The following NDRG4 variants were observed in gnomAD, a reference collection of about 807,000 sequenced individuals.
NDRG4 encodes the protein protein NDRG4.
A neutral mutation model predicts 55.8 loss-of-function variants in NDRG4; 38 were observed. The ratio of observed to expected loss-of-function variants is 0.68; its 90% CI spans 0.53 to 0.89. The LOEUF (loss-of-function observed/expected upper bound fraction) is 0.89, where lower values mean the gene tolerates loss of function less well. Among genes scored for constraint, NDRG4 ranks in the 40% least tolerant of loss-of-function variants. The probability of loss-of-function intolerance (pLI) is 0.00; values close to 1 mark genes in which losing one functional copy is unlikely to be tolerated. For synonymous variants in NDRG4, 190 were observed against 182.7 expected, an observed-to-expected ratio of 1.04 and a Z score of -0.32; for missense variants, 455 against 468.6, an observed-to-expected ratio of 0.97 and a Z score of 0.27.
chr16:58,471,067 G>A (rs1363484712), intron 1 of NDRG4, among the ~76,000 whole-genome samples: 1 of 151,936 alleles, frequency 6.6e-6, no homozygotes, highest in Non-Finnish European at 1.5e-5. Flanking sequence ...AAAGGCAGGG[G>A]AACAGATTCT....
Position 58,511,480 on chromosome 16 carries a change from C to T in NDRG4, c.963C>T (p.Ala321=), listed in dbSNP as rs2038798813. 6.2e-7 allele frequency: 1 copy of T among 1,612,902 alleles called. No homozygotes were observed. The highest frequency in any genetic ancestry group is 2.2e-5 in the East Asian group (1 of 44,864). Residue 321 remains alanine, a synonymous_variant, in exon 15 of 15, where the codon GCC becomes GCT. Coordinates refer to ENST00000570248, the MANE Select transcript of NDRG4 (RefSeq NM_001242835.2). The stretch of plus-strand genomic sequence containing the variant: ...CCCGCACTGCATCCCTCACCAGTGC[C>T]AGCTCGGTGGATGGCAGCCGCCCAC... ...ARSRTASLTS[A]SSVDGSRPQA... is the part of the protein sequence containing the mutation.
Position 58,504,352 on chromosome 16 carries a change from C to G in NDRG4, c.249-7C>G. 6.2e-7 allele frequency: 1 copy of G among 1,613,706 alleles called. No individual in the cohort carries two copies. On this transcript the variant is annotated splice_region_variant and splice_polypyrimidine_tract_variant and intron_variant, in intron 3 of 14. Coordinates refer to ENST00000570248, the MANE Select transcript of NDRG4 (RefSeq NM_001242835.2). ...ACCTGGGCCCTGACCTCCTGCTCTG[C>G]CTGCAGGTACCAGTTCCCCTCCATG... is the stretch of plus-strand genomic sequence containing the variant.
In NDRG4 at chr16:58,512,520, A is replaced by G. The variant is rs2038913493; in HGVS notation, c.*944A>G. 4.5e-6 allele frequency: 1 copy of G among 224,128 alleles called. No individual in the cohort carries two copies. The allele number at this position is 224,128 out of a possible 1,614,324, so 13.9% of individuals were successfully genotyped here. A position where few individuals can be genotyped will look rare whatever the true frequency, so the allele number is the denominator to read the frequency against. ...TCAGTAGCAGTGTGGTGTTTCAGGC[A>G]GAGCTCTGGCCAGGCTGTGCCAGTG... On this transcript the variant is annotated 3_prime_UTR_variant, in exon 15 of 15. Transcript: ENST00000570248.
intron 8 of NDRG4, chr16:58,507,235 C>T: frequency 1.8e-6 from 1 of 566,014 alleles, no homozygotes; most frequent in South Asian, 2.2e-5. Context: ...TTCCACTTTT[C>T]CTCCTCCCCT....
intron 1 of NDRG4, chr16:58,501,810 G>C: frequency 2.8e-6 from 1 of 356,224 alleles, no homozygotes; most frequent in Non-Finnish European, 5.7e-6. Flanking sequence ...GAAGACAGTG[G>C]GGCCTCCTCA....
chr16:58,512,011 C>T lies in NDRG4; in HGVS notation c.*435C>T. The T allele has an allele frequency of 2.2e-6, 1 of 460,208 alleles. No individual in the cohort carries two copies. The highest frequency in any genetic ancestry group is 4.4e-6 in the Non-Finnish European group (1 of 229,550). The allele number at this position is 460,208 out of a possible 1,614,324, so 28.5% of individuals were successfully genotyped here. ...GGGAGCCCTGGGAGACCCCTTCCCC[C>T]ACCCTCCACCAAGCACACCTGTTTC... On this transcript the variant is annotated 3_prime_UTR_variant, in exon 15 of 15. Coordinates refer to ENST00000570248, the MANE Select transcript of NDRG4 (RefSeq NM_001242835.2).
At chr16:58,467,707 C>T (rs1056370918) in intron 1 of NDRG4, among the ~76,000 whole-genome samples, 3 of 152,184 alleles carry the variant, frequency 2.0e-5, no homozygotes, top group Non-Finnish European at 2.9e-5. Context: ...GTCTAATAGC[C>T]GTTCCACACT....
At chr16:58,502,020 T>C (rs966075620) in intron 1 of NDRG4, 3 of 455,962 alleles carry the variant, frequency 6.6e-6, no homozygotes, top group African/African-American at 2.0e-5. Flanking sequence ...GTGAAAGGGC[T>C]GCCTGGTCAG....
At chr16:58,492,319 TCTC>T (rs1006285535) in intron 2 of NDRG4, among the ~76,000 whole-genome samples, 13 of 152,036 alleles carry the variant, frequency 8.6e-5, no homozygotes, top group Admixed American at 1.3e-4. Flanking sequence ...TGCCACCTGT[TCTC>T]CTCCTCGTGC....
chr16:58,506,431 C>G lies in NDRG4; in HGVS notation c.417C>G (p.Ile139Met), dbSNP rs114765275. ...TGGAGGGGCTGGTGCTGGTGAACATCGACCCCAATGGCAAAGGCTGGATAG... is the reference window on the plus strand; with the variant it reads ...TGGAGGGGCTGGTGCTGGTGAACATGGACCCCAATGGCAAAGGCTGGATAG... ...DLVEGLVLVN[I>M]DPNGKGWIDW... Residue 139 changes from isoleucine (I) to methionine (M), a missense_variant, in exon 6 of 15, where the codon ATC (isoleucine) becomes ATG (methionine). Coordinates refer to ENST00000570248, the MANE Select transcript of NDRG4 (RefSeq NM_001242835.2). The G allele has an allele frequency of 3.1e-6, 5 of 1,613,256 alleles. No homozygotes were observed. Among genetic ancestry groups the G allele is most frequent in the Non-Finnish European group, 4.2e-6 (5 of 1,179,854 alleles).
chr16:58,486,454 C>T (rs1291610110), intron 1 of NDRG4, among the ~76,000 whole-genome samples: 1 of 148,924 alleles, frequency 6.7e-6, no homozygotes, highest in African/African-American at 2.5e-5. Flanking sequence ...GCCACTGTGC[C>T]TGGCCAAAAA....
rs1597273568 is a variant in NDRG4 at position 58,501,353 on chromosome 16, G to A, written c.21+1084G>A. On this transcript the variant is annotated intron_variant, in intron 1 of 14. Coordinates refer to ENST00000570248, the MANE Select transcript of NDRG4 (RefSeq NM_001242835.2). ...TCCCCTCCAGTGCTCAAGGTCACAG[G>A]CGAGGGGAGACGGACCGACCGAGAG... is the stretch of plus-strand genomic sequence containing the variant. 14 of 342,418 alleles carry A rather than the reference G, an allele frequency of 4.1e-5. No homozygotes were observed. The East Asian group carries it at 5.2e-4, about 13-fold the overall frequency. The allele number at this position is 342,418 out of a possible 1,614,324, so 21.2% of individuals were successfully genotyped here.
chr16:58,467,540 T>C (rs879481984), intron 1 of NDRG4, among the ~76,000 whole-genome samples: 41 of 152,172 alleles, frequency 2.7e-4, no homozygotes, highest in Non-Finnish European at 2.6e-4. Context: ...CTGTATACTT[T>C]TCACATTCTC....
chr16:58,508,104 C>CTGG (rs2038287054), intron 10 of NDRG4, 105 bp downstream of exon 10: 3 of 1,049,436 alleles, frequency 2.9e-6, no homozygotes, highest in Non-Finnish European at 4.1e-6. Flanking sequence ...GGGGAGCCTC[C>CTGG]AGGGCCAGCA....
intron 1 of NDRG4, chr16:58,502,284 A>C: frequency 3.0e-6 from 1 of 335,008 alleles, no homozygotes; most frequent in South Asian, 2.2e-5. Context: ...GAGAAAGGAT[A>C]GGCCTGGGAT....
At chr16:58,474,368 G>A (rs139074862) in intron 1 of NDRG4, among the ~76,000 whole-genome samples, 343 of 152,158 alleles carry the variant, frequency 2.3e-3, no homozygotes, top group African/African-American at 7.8e-3. Context: ...GCTTCCTTTC[G>A]TTTGCTCAAA....
Position 58,464,155 on chromosome 16 carries a change from CT to C in NDRG4, c.-24+360del. On this transcript the variant is annotated intron_variant, in intron 1 of 15. Transcript: ENST00000258187. The surrounding 1 kb of genome is among the most constrained non-coding windows in gnomAD (Gnocchi z 4.8). ...GGTGTCACCGCACCCACCCCGCGCC[CT>C]TCCTCCGCCTCCTGGAGTTCACCGG... 1 of 364,862 alleles carries C rather than the reference CT, an allele frequency of 2.7e-6. No individual in the cohort carries two copies. The highest frequency in any genetic ancestry group is 4.9e-6 in the Non-Finnish European group (1 of 205,076). 22.6% of individuals were successfully genotyped at this position (364,862 alleles called of 1,614,324 possible). A position where few individuals can be genotyped will look rare whatever the true frequency, so the allele number is the denominator to read the frequency against.
intron 1 of NDRG4, among the ~76,000 whole-genome samples, chr16:58,473,781 A>T (rs1352013814): frequency 6.6e-6 from 1 of 152,002 alleles, no homozygotes; most frequent in Non-Finnish European, 1.5e-5. Flanking sequence ...TTTCCACCCT[A>T]ACCCCCAGCT....
chr16:58,482,615 C>CCTCTT (rs564174043), intron 1 of NDRG4, among the ~76,000 whole-genome samples: 1 of 151,198 alleles, frequency 6.6e-6, no homozygotes, highest in African/African-American at 2.4e-5. Context: ...TTTTTTTTCT[C>CCTCTT]CTCTTCTCTT....
Sources: allele counts gnomAD v4.1 joint callset (sites outside exome capture counted in the v4.1 genomes callset), GRCh38; gene constraint gnomAD v4.1.1; non-coding constraint Gnocchi (gnomAD v3.1); transcripts MANE v1.5; gene names NCBI Gene and HGNC (gene_info 2026-07-23, HGNC 2026-07-21).